The following BTNL8 variants were observed in gnomAD, a reference collection of about 807,000 sequenced individuals.
The protein encoded by BTNL8 is butyrophilin like 8.
In BTNL8, 22 loss-of-function variants were observed where a neutral mutation model predicts 36.1. The observed-to-expected ratio is 0.61, with a 90% CI of 0.44 to 0.87. The LOEUF (loss-of-function observed/expected upper bound fraction) is 0.87, where lower values mean the gene tolerates loss of function less well. Ranked by LOEUF, BTNL8 falls within the 40% of genes least tolerant of loss-of-function variation. The pLI is 0.00. For synonymous variants in BTNL8, 203 were observed against 235.6 expected (o/e 0.86, Z 1.27); for missense variants, 526 against 616.9 (o/e 0.85, Z 1.56).
intron 3 of BTNL8, among the ~76,000 whole-genome samples, chr5:180,941,162 A>G (rs1758929043): frequency 6.6e-6 from 1 of 152,078 alleles, no homozygotes; most frequent in African/African-American, 2.4e-5. Flanking sequence ...GGAGAGAAAG[A>G]AAGAACTAGT....
At chr5:180,916,921 A>G (rs1757653735) in intron 3 of BTNL8, among the ~76,000 whole-genome samples, 1 of 152,254 alleles carries the variant, frequency 6.6e-6, no homozygotes, top group East Asian at 1.9e-4. Context: ...AGTAACTGAA[A>G]TCATGAAAAG....
intron 3 of BTNL8, among the ~76,000 whole-genome samples, chr5:180,941,098 G>GGAAGGGAGGAAGGAAGGA (rs1561945254): frequency 7.0e-5 from 6 of 85,794 alleles, no homozygotes. Context: ...GGGAGGGAGG[G>GGAAGGGAGGAAGGAAGGA]AGGAAGGAAG....
At chr5:180,907,370 C>T (rs1172321753) in intron 1 of BTNL8, among the ~76,000 whole-genome samples, 1 of 126,222 alleles carries the variant, frequency 7.9e-6, no homozygotes, top group Non-Finnish European at 1.6e-5. Flanking sequence ...GTTTTCAGCT[C>T]CATCAGCTCC....
chr5:180,926,883 C>T (rs951316540), intron 3 of BTNL8, among the ~76,000 whole-genome samples: 2 of 152,196 alleles, frequency 1.3e-5, no homozygotes, highest in Admixed American at 6.5e-5. Context: ...GAAGGAGAAG[C>T]TGTAGGCACA....
chr5:180,940,521 C>G (rs148524623), intron 3 of BTNL8, among the ~76,000 whole-genome samples: 6 of 151,704 alleles, frequency 4.0e-5, no homozygotes, highest in Admixed American at 1.3e-4. Flanking sequence ...AAACAAAGCC[C>G]AAATTTTGTA....
chr5:180,947,773 GGGTATTCTAAC>G lies in BTNL8; in HGVS notation c.787+149_787+159del, dbSNP rs781113740. 30 of 1,610,664 alleles carry G rather than the reference GGGTATTCTAAC, an allele frequency of 1.9e-5. No individual in the cohort carries two copies. The South Asian group carries it at 1.9e-4, about 10-fold the overall frequency. On this transcript the variant is annotated intron_variant, in intron 4 of 7. Transcript: ENST00000340184. ...CCAAAAAAGTAATCATCCTTCTCTA[GGGTATTCTAAC>G]ATCTCTTCCTCTGGAAATATCAACT...
intron 3 of BTNL8, among the ~76,000 whole-genome samples, chr5:180,931,722 G>C (rs1758393862): frequency 6.6e-6 from 1 of 152,166 alleles, no homozygotes; most frequent in Non-Finnish European, 1.5e-5. Flanking sequence ...CATCATCACT[G>C]GTCATTAGAG....
rs1420494352 is a variant in BTNL8, at chr5:180,935,100, T to C, written c.674-12412T>C. On this transcript the variant is annotated intron_variant, in intron 3 of 7. Coordinates refer to ENST00000340184, the MANE Select transcript of BTNL8 (RefSeq NM_001040462.3). The surrounding 1 kb of genome is among the most constrained non-coding windows in gnomAD (Gnocchi z 4.8). The stretch of plus-strand genomic sequence containing the variant: ...TGATGTCTGTCTGAGTCTAGGGGTT[T>C]TTATGGGCCCAGAAGGAAGGGAGTG... 6.6e-6 allele frequency among the ~76,000 whole-genome samples: 1 copy of C among 152,114 alleles called. No homozygotes were observed. Among genetic ancestry groups the C allele is most frequent in the African/African-American group, 2.4e-5 (1 of 41,410 alleles).
Position 180,911,554 on chromosome 5 carries a change from T to C in BTNL8, c.613T>C (p.Ser205Pro), listed in dbSNP as rs1275197945. 2 of 1,614,034 alleles carry C rather than the reference T, an allele frequency of 1.2e-6. No homozygotes were observed. Among genetic ancestry groups the C allele is most frequent in the South Asian group, 1.1e-5 (1 of 91,066 alleles). ...LTVQENAGSI[S>P]CSMRHAHLSR... ...CGTCCAAGAGAACGCCGGGAGCATA[T>C]CCTGTTCCATGCGGCATGCTCATCT... The change falls in exon 3 of 8, where the codon TCC becomes CCC. Residue 205 changes from serine (S) to proline (P), a missense_variant. By Grantham distance (74) the Ser-to-Pro change is moderately conservative. This residue lies in a region of BTNL8 where 350 missense variants were observed against 324.6 expected (regional missense o/e 1.08). Coordinates refer to ENST00000340184, the MANE Select transcript of BTNL8 (RefSeq NM_001040462.3).
chr5:180,916,442 G>A (rs1252830583), intron 3 of BTNL8, among the ~76,000 whole-genome samples: 2 of 151,530 alleles, frequency 1.3e-5, no homozygotes, highest in Non-Finnish European at 2.9e-5. Flanking sequence ...AAAAAACTAA[G>A]CCAAAATTTA....
At chr5:180,920,178 A>G (rs1014544476) in intron 3 of BTNL8, among the ~76,000 whole-genome samples, 12 of 152,156 alleles carry the variant, frequency 7.9e-5, no homozygotes, top group Non-Finnish European at 1.6e-4. Flanking sequence ...AAGTAATAGC[A>G]AAGACTGCAA....
intron 3 of BTNL8, among the ~76,000 whole-genome samples, chr5:180,927,468 A>T (rs2113821341): frequency 6.6e-6 from 1 of 152,274 alleles, no homozygotes; most frequent in Middle Eastern, 3.4e-3. Context: ...ACAAAACCGG[A>T]TGGAGAATGA....
chr5:180,923,238 A>C (rs1283220309), intron 3 of BTNL8, among the ~76,000 whole-genome samples: 1 of 152,204 alleles, frequency 6.6e-6, no homozygotes, highest in African/African-American at 2.4e-5. Context: ...TAAAATTCCA[A>C]TTAGAAATTT....
At chr5:180,943,489 A>G (rs1759086968) in intron 3 of BTNL8, among the ~76,000 whole-genome samples, 1 of 152,192 alleles carries the variant, frequency 6.6e-6, no homozygotes, top group Non-Finnish European at 1.5e-5. Context: ...CAACAGATAT[A>G]TAAAAATCTG....
chr5:180,910,822 G>A (rs1757351157), intron 2 of BTNL8, among the ~76,000 whole-genome samples: 1 of 152,082 alleles, frequency 6.6e-6, no homozygotes, highest in African/African-American at 2.4e-5. Context: ...GATTCATAAA[G>A]CTGTGAAGCC....
intron 3 of BTNL8, among the ~76,000 whole-genome samples, chr5:180,947,034 A>G (rs949505027): frequency 2.6e-5 from 4 of 152,256 alleles, no homozygotes; most frequent in Non-Finnish European, 2.9e-5. Context: ...TTAGAACTTG[A>G]CAAGTCAATA....
Position 180,907,210 on chromosome 5 carries a change from C to G in BTNL8, c.50-1376C>G, listed in dbSNP as rs541083674. 4.7e-4 allele frequency among the ~76,000 whole-genome samples: 57 copies of G among 122,092 alleles called. 11 individuals carry two copies. The Middle Eastern group carries it at 0.014, about 31-fold the overall frequency. The allele number at this position is 122,092 out of a possible 152,430, so 80.1% of individuals were successfully genotyped here. On this transcript the variant is annotated intron_variant, in intron 1 of 7. Transcript: ENST00000340184. Reference sequence around the variant, plus strand: ...CACATAGTCCCATATTTCTTGGAGGCTTTGCTCATTTCTTTTTATTCTTTT... The same window carrying G: ...CACATAGTCCCATATTTCTTGGAGGGTTTGCTCATTTCTTTTTATTCTTTT...
intron 3 of BTNL8, among the ~76,000 whole-genome samples, chr5:180,942,492 T>A (rs932309773): frequency 6.6e-6 from 1 of 152,080 alleles, no homozygotes; most frequent in African/African-American, 2.4e-5. Context: ...AAAACATTAC[T>A]GAATAAAAGA....
At position 180,950,432 on chromosome 5, in the gene BTNL8, A is replaced by G. The variant is rs1334015735; in HGVS notation, c.1391A>G (p.Gln464Arg). The G allele has an allele frequency of 6.8e-7, 1 of 1,463,970 alleles. No individual in the cohort carries two copies. The highest frequency in any genetic ancestry group is 9.4e-7 in the Non-Finnish European group (1 of 1,059,186). 90.7% of individuals were successfully genotyped at this position (1,463,970 alleles called of 1,614,324 possible). ...CCCATAGTCATCTGCCCAGTCACCCAGGAATCAGAGAAAGAGGCCTCTTGG... is the reference window on the plus strand; with the variant it reads ...CCCATAGTCATCTGCCCAGTCACCCGGGAATCAGAGAAAGAGGCCTCTTGG... ...GTPIVICPVT[Q>R]ESEKEASWQR... Residue 464 changes from glutamine (Q) to arginine (R), a missense_variant, in exon 8 of 8, where the codon CAG (glutamine) becomes CGG (arginine). This residue lies in a region of BTNL8 where 176 missense variants were observed against 292.3 expected (regional missense o/e 0.60). Coordinates refer to ENST00000340184, the MANE Select transcript of BTNL8 (RefSeq NM_001040462.3).
Sources: gnomAD v4.1 joint callset for allele counts (sites outside exome capture counted in the v4.1 genomes callset) on GRCh38, gnomAD v4.1.1 for gene constraint, gnomAD v4.1.1 regional missense constraint, Gnocchi (gnomAD v3.1) non-coding constraint, MANE v1.5 for transcripts, NCBI Gene and HGNC (gene_info 2026-07-23, HGNC 2026-07-21) for gene names.